RHEB: variants seen among roughly 807,000 people sequenced by gnomAD.
RHEB encodes Ras homolog, mTORC1 binding.
In RHEB, 2 loss-of-function variants were observed where a neutral mutation model predicts 28.8. That is an observed-to-expected ratio of 0.07 (90% confidence interval 0.03 to 0.22). The LOEUF (loss-of-function observed/expected upper bound fraction) is 0.22, where lower values mean the gene tolerates loss of function less well. Ranked by LOEUF, RHEB falls within the 10% of genes least tolerant of loss-of-function variation. The pLI is 1.00. For missense variants in RHEB, 76 were observed against 219.9 expected, an observed-to-expected ratio of 0.35 and a Z score of 4.14; for synonymous variants, 69 against 77.3, an observed-to-expected ratio of 0.89 and a Z score of 0.56.
At chr7:151,467,762 C>T (rs988552783) in intron 7 of RHEB, among the ~76,000 whole-genome samples, 3 of 152,184 alleles carry the variant, frequency 2.0e-5, no homozygotes, top group South Asian at 4.1e-4. Context: ...CTGGCCTCTC[C>T]TCTCCTGCCC....
intron 7 of RHEB, 34 bp from the exon 8 acceptor site, chr7:151,467,245 G>A (rs759843219): frequency 1.3e-5 from 19 of 1,466,116 alleles, no homozygotes; most frequent in Middle Eastern, 1.7e-4. Flanking sequence ...CACAGTGTTA[G>A]TGTGAAGCCG....
rs1486205615 is a variant in RHEB at position 151,468,361 on chromosome 7, G to C, written c.463-1150C>G. Among the ~76,000 whole-genome samples, 1 of 152,166 alleles carries C rather than the reference G, an allele frequency of 6.6e-6. No homozygotes were observed. The highest frequency in any genetic ancestry group is 1.5e-5 in the Non-Finnish European group (1 of 68,028). The stretch of plus-strand genomic sequence containing the variant: ...CTCAGCAGGCCACCATGGCGCCACT[G>C]TACTTCAACTCCCTTCCCTACCAAC... On this transcript the variant is annotated intron_variant, in intron 7 of 7. Coordinates refer to ENST00000262187, the MANE Select transcript of RHEB (RefSeq NM_005614.4). The surrounding 1 kb of genome is among the most constrained non-coding windows in gnomAD (Gnocchi z 4.3).
intron 1 of RHEB, among the ~76,000 whole-genome samples, chr7:151,511,915 T>A (rs1260157313): frequency 6.6e-6 from 1 of 152,216 alleles, no homozygotes; most frequent in Non-Finnish European, 1.5e-5. Flanking sequence ...CCTCCCAAAG[T>A]GCTGGAATTA....
At chr7:151,494,717 T>C (rs1802644792) in intron 1 of RHEB, among the ~76,000 whole-genome samples, 1 of 152,218 alleles carries the variant, frequency 6.6e-6, no homozygotes, top group Non-Finnish European at 1.5e-5. Context: ...TTAGCAGAAG[T>C]GGCACTGGAG....
At chr7:151,467,607 C>T (rs1802089809) in intron 7 of RHEB, among the ~76,000 whole-genome samples, 1 of 152,160 alleles carries the variant, frequency 6.6e-6, no homozygotes, top group Non-Finnish European at 1.5e-5. Flanking sequence ...CTCCCAGCAG[C>T]CCTTGCCTCT....
intron 1 of RHEB, among the ~76,000 whole-genome samples, chr7:151,495,395 A>C (rs1802655201): frequency 6.6e-6 from 1 of 152,244 alleles, no homozygotes; most frequent in Non-Finnish European, 1.5e-5. Context: ...TCCAAACCAA[A>C]ACCCACCTTA....
intron 1 of RHEB, among the ~76,000 whole-genome samples, chr7:151,515,676 CA>C (rs1371107344): frequency 1.3e-5 from 2 of 152,122 alleles, no homozygotes; most frequent in African/African-American, 4.8e-5. Context: ...TAAAAAGTGT[CA>C]ACAAATGATA....
At chr7:151,516,640 A>AAAAAG (rs1441716006) in intron 1 of RHEB, among the ~76,000 whole-genome samples, 2 of 151,756 alleles carry the variant, frequency 1.3e-5, no homozygotes, top group Admixed American at 6.6e-5. Flanking sequence ...AAAAAAAAAA[A>AAAAAG]AAAAGAAAGC....
intron 3 of RHEB, among the ~76,000 whole-genome samples, chr7:151,480,854 T>C (rs1221285720): frequency 1.3e-5 from 2 of 152,138 alleles, no homozygotes; most frequent in African/African-American, 4.8e-5. Flanking sequence ...CTGGCTAATT[T>C]TGTAGTTTTA....
In RHEB at chr7:151,491,028, C is replaced by T; in HGVS notation, c.53-14G>A. On this transcript the variant is annotated splice_polypyrimidine_tract_variant and intron_variant, in intron 1 of 7. Transcript: ENST00000262187. ...ATGAGGATTTCCCTATAAAAGAGAA[C>T]AAGAGCTTAGTGTGTGTTGGCATAT... The T allele has an allele frequency of 6.2e-7, 1 of 1,604,934 alleles. No homozygotes were observed. The highest frequency in any genetic ancestry group is 1.7e-5 in the Admixed American group (1 of 59,704).
Position 151,479,624 on chromosome 7 carries a change from A to T in RHEB, c.193-2209T>A, listed in dbSNP as rs189666347. ...TGTGAACCTGGGTGGCGGAGCTTGC[A>T]GTGAGCCGAGATCGCGCCACAGCAC... On this transcript the variant is annotated intron_variant, in intron 3 of 7. Transcript: ENST00000262187. Among the ~76,000 whole-genome samples the T allele has an allele frequency of 6.0e-3, 902 of 149,318 alleles. 47 individuals are homozygous for T. The highest frequency in any genetic ancestry group is 0.054 in the Admixed American group (803 of 14,766).
At chr7:151,502,329 CA>C in intron 1 of RHEB, 4 of 822,452 alleles carry the variant, frequency 4.9e-6, no homozygotes, top group Non-Finnish European at 8.5e-6. Context: ...TCACCAGTGG[CA>C]AAAATGTTAT....
intron 7 of RHEB, 88 bp downstream of exon 7, chr7:151,470,483 A>C: frequency 1.2e-6 from 1 of 848,288 alleles, no homozygotes; most frequent in South Asian, 1.5e-5. Flanking sequence ...AGGAGTGATC[A>C]AGACAGAGGT....
intron 1 of RHEB, 188 bp downstream of exon 1, chr7:151,519,272 C>G (rs1803138205): frequency 6.9e-6 from 2 of 289,536 alleles, no homozygotes; most frequent in African/African-American, 2.3e-5. Context: ...ACCGCGGCTC[C>G]TCCACCGGCG....
intron 4 of RHEB, among the ~76,000 whole-genome samples, chr7:151,476,885 T>C (rs1287035796): frequency 6.6e-6 from 1 of 152,230 alleles, no homozygotes; most frequent in Non-Finnish European, 1.5e-5. Flanking sequence ...TTAATAAAAA[T>C]AGTGGCTTTG....
chr7:151,508,837 A>G (rs991620814), intron 1 of RHEB, among the ~76,000 whole-genome samples: 7 of 152,130 alleles, frequency 4.6e-5, no homozygotes, highest in Admixed American at 4.6e-4. Flanking sequence ...GTTTAAGGGA[A>G]TAGGATCATA....
At chr7:151,492,788 C>T (rs563612886) in intron 1 of RHEB, among the ~76,000 whole-genome samples, 29 of 151,856 alleles carry the variant, frequency 1.9e-4, no homozygotes, top group Admixed American at 3.3e-4. Context: ...GAAAATTAAA[C>T]GCTACTTCTC....
intron 1 of RHEB, among the ~76,000 whole-genome samples, chr7:151,493,298 C>T (rs1802617712): frequency 6.6e-6 from 1 of 152,144 alleles, no homozygotes; most frequent in African/African-American, 2.4e-5. Context: ...GGCCCCTTTA[C>T]TCTAGCAACC....
chr7:151,499,392 G>A (rs1217046786), intron 1 of RHEB, among the ~76,000 whole-genome samples: 1 of 152,110 alleles, frequency 6.6e-6, no homozygotes, highest in Non-Finnish European at 1.5e-5. Context: ...GGAAAGGGCA[G>A]GACAGGACAG....
Sources: gnomAD v4.1 joint callset for allele counts (sites outside exome capture counted in the v4.1 genomes callset) on GRCh38, gnomAD v4.1.1 for gene constraint, Gnocchi (gnomAD v3.1) non-coding constraint, MANE v1.5 for transcripts, NCBI Gene and HGNC (gene_info 2026-07-23, HGNC 2026-07-21) for gene names.